The following MACROD2 variants were observed in gnomAD, a reference collection of about 807,000 sequenced individuals.
MACROD2 encodes the protein mono-ADP ribosylhydrolase 2.
A neutral mutation model predicts 70.4 loss-of-function variants in MACROD2; 36 were observed. The ratio of observed to expected loss-of-function variants is 0.51; its 90% confidence interval spans 0.39 to 0.68. MACROD2 has a LOEUF of 0.68. MACROD2 is among the 30% of genes least tolerant of loss of function. The pLI is 0.00. For missense variants in MACROD2, 496 were observed against 538.4 expected (o/e 0.92, Z 0.78); for synonymous variants, 172 against 178.8 (o/e 0.96, Z 0.30).
intron 12 of MACROD2, among the ~76,000 whole-genome samples, chr20:15,951,617 A>G (rs2065907158): frequency 6.6e-6 from 1 of 152,108 alleles, no homozygotes; most frequent in Admixed American, 6.6e-5. Flanking sequence ...CACAAGGGGC[A>G]ATGACACTCA....
intron 5 of MACROD2, among the ~76,000 whole-genome samples, chr20:15,169,621 G>C (rs2076409294): frequency 6.6e-6 from 1 of 152,128 alleles, no homozygotes; most frequent in African/African-American, 2.4e-5. Context: ...TTTTCTCTAA[G>C]AAGAAAAAAA....
chr20:14,137,078 T>C lies in MACROD2; in HGVS notation c.271+51350T>C, dbSNP rs549955297. 2.0e-5 allele frequency among the ~76,000 whole-genome samples: 3 copies of C among 152,270 alleles called. No homozygotes were observed. In the South Asian group the frequency reaches 6.2e-4, roughly 32 times the overall value. On this transcript the variant is annotated intron_variant, in intron 3 of 17. Transcript: ENST00000684519. Reference sequence around the variant, plus strand: ...AAAGGCTTACTACAAAAAGGGGATATACAGTCGACTCTTAAGCAATGCAAG... The same window carrying C: ...AAAGGCTTACTACAAAAAGGGGATACACAGTCGACTCTTAAGCAATGCAAG...
At chr20:14,447,059 C>A (rs2084190746) in intron 3 of MACROD2, among the ~76,000 whole-genome samples, 1 of 151,964 alleles carries the variant, frequency 6.6e-6, no homozygotes, top group South Asian at 2.1e-4. Context: ...CGCTCTGTCG[C>A]CCAGGCTGGA....
chr20:14,419,809 CTTTT>C (rs1229748051), intron 3 of MACROD2, among the ~76,000 whole-genome samples: 2 of 151,862 alleles, frequency 1.3e-5, no homozygotes, highest in South Asian at 2.1e-4. Context: ...TTGATCATTT[CTTTT>C]TTTCTCTTTT....
intron 5 of MACROD2, among the ~76,000 whole-genome samples, chr20:15,186,257 CCTT>C (rs2076534039): frequency 6.6e-6 from 1 of 152,110 alleles, no homozygotes; most frequent in African/African-American, 2.4e-5. Flanking sequence ...TTCTTTCTCT[CCTT>C]CATCATACCT....
chr20:15,101,417 T>C (rs940339245), intron 5 of MACROD2, among the ~76,000 whole-genome samples: 2 of 151,292 alleles, frequency 1.3e-5, no homozygotes, highest in African/African-American at 4.9e-5. Flanking sequence ...TAACATGCCA[T>C]TGTAGAATGC....
At chr20:15,589,322 C>A (rs926806052) in intron 8 of MACROD2, among the ~76,000 whole-genome samples, 2 of 152,138 alleles carry the variant, frequency 1.3e-5, no homozygotes, top group African/African-American at 4.8e-5. Flanking sequence ...GAGAACACAG[C>A]CAAACCATAT....
chr20:14,273,238 TTGGATGTAAAGCTCTC>T lies in MACROD2; in HGVS notation c.271+187511_271+187526del, dbSNP rs1279805143. On this transcript the variant is annotated intron_variant, in intron 3 of 17. Coordinates refer to ENST00000684519, the MANE Select transcript of MACROD2 (RefSeq NM_001351661.2). Reference sequence around the variant, plus strand: ...ATGTATTCCAAAATTGACCACATAGTTGGATGTAAAGCTCTCCTCAGCAAATTTAAAAGAACAGAAA... The same window carrying T: ...ATGTATTCCAAAATTGACCACATAGTCTCAGCAAATTTAAAAGAACAGAAA... Among the ~76,000 whole-genome samples, 8 of 152,240 alleles carry T rather than the reference TTGGATGTAAAGCTCTC, an allele frequency of 5.3e-5. No homozygotes were observed. In the East Asian group the frequency reaches 1.4e-3, roughly 26 times the overall value.
At chr20:15,777,610 C>T (rs1162638403) in intron 8 of MACROD2, among the ~76,000 whole-genome samples, 8 of 134,764 alleles carry the variant, frequency 5.9e-5, no homozygotes, top group African/African-American at 2.3e-4. Flanking sequence ...TCCCTCCCTC[C>T]CTCTCTCCCT....
At chr20:15,854,538 A>G (rs1041809949) in intron 8 of MACROD2, among the ~76,000 whole-genome samples, 2 of 152,214 alleles carry the variant, frequency 1.3e-5, no homozygotes, top group African/African-American at 2.4e-5. Flanking sequence ...CAGAGGACCC[A>G]ACTAGGTTGG....
At chr20:14,082,373 T>TC (rs1206219099) in intron 2 of MACROD2, among the ~76,000 whole-genome samples, 2,593 of 148,296 alleles carry the variant, frequency 0.017, 34 homozygotes, top group Non-Finnish European at 0.03. Context: ...TTTTTTTTTT[T>TC]AGTAGAGACG....
intron 8 of MACROD2, among the ~76,000 whole-genome samples, chr20:15,724,944 T>G (rs1301351644): frequency 6.6e-6 from 1 of 151,994 alleles, no homozygotes; most frequent in African/African-American, 2.4e-5. Context: ...TAGCCGGGTA[T>G]GGTGGCAGGC....
chr20:15,822,378 A>T (rs1263253970), intron 8 of MACROD2, among the ~76,000 whole-genome samples: 1 of 152,170 alleles, frequency 6.6e-6, no homozygotes, highest in Non-Finnish European at 1.5e-5. Flanking sequence ...TTTTGTTTGA[A>T]TAGTTGAATT....
intron 1 of MACROD2, among the ~76,000 whole-genome samples, chr20:13,997,117 A>G (rs2052672692): frequency 6.6e-6 from 1 of 152,216 alleles, no homozygotes; most frequent in Non-Finnish European, 1.5e-5. Context: ...GGAAGATTTA[A>G]TAATAGAACC....
At chr20:15,368,602 C>T (rs1415888671) in intron 6 of MACROD2, among the ~76,000 whole-genome samples, 1 of 151,810 alleles carries the variant, frequency 6.6e-6, no homozygotes, top group Non-Finnish European at 1.5e-5. Context: ...GCTGGGATTA[C>T]AGGAGCGCAC....
chr20:14,040,239 A>G (rs2053373716), intron 2 of MACROD2, among the ~76,000 whole-genome samples: 1 of 152,184 alleles, frequency 6.6e-6, no homozygotes, highest in Non-Finnish European at 1.5e-5. Context: ...ATGGTTATAT[A>G]TAGCATAGCC....
chr20:14,721,926 A>T (rs563037758), intron 5 of MACROD2, among the ~76,000 whole-genome samples: 1 of 152,182 alleles, frequency 6.6e-6, no homozygotes, highest in African/African-American at 2.4e-5. Flanking sequence ...TAGAAATTAT[A>T]TAGACTTAGG....
intron 6 of MACROD2, among the ~76,000 whole-genome samples, chr20:15,415,063 A>G (rs1291276815): frequency 6.6e-6 from 1 of 152,186 alleles, no homozygotes; most frequent in African/African-American, 2.4e-5. Context: ...GGAGCCATGT[A>G]TGGTGCATGC....
intron 6 of MACROD2, among the ~76,000 whole-genome samples, chr20:15,377,929 G>A (rs2045584543): frequency 6.6e-6 from 1 of 151,986 alleles, no homozygotes; most frequent in African/African-American, 2.4e-5. Flanking sequence ...ACTTATAAGT[G>A]GGAGTTGAAC....
Sources: gnomAD v4.1 joint callset for allele counts (sites outside exome capture counted in the v4.1 genomes callset) on GRCh38, gnomAD v4.1.1 for gene constraint, MANE v1.5 for transcripts, NCBI Gene and HGNC (gene_info 2026-07-23, HGNC 2026-07-21) for gene names.